RBFOX1: variants seen among roughly 807,000 people sequenced by gnomAD.
RBFOX1 encodes the protein RNA binding protein fox-1 homolog 1.
Under a neutral mutation model 57.7 loss-of-function variants are expected in RBFOX1, and 8 were observed. That is an observed-to-expected ratio of 0.14 (90% CI 0.08 to 0.25). RBFOX1 has a LOEUF of 0.25. Ranked by LOEUF, RBFOX1 falls within the 10% of genes least tolerant of loss-of-function variation. The pLI, the probability that RBFOX1 is intolerant of heterozygous loss-of-function variation, is 1.00. For missense variants in RBFOX1, 611 were observed against 548.5 expected (o/e 1.11, Z -1.14); for synonymous variants, 326 against 222.4 (o/e 1.47, Z -4.15).
chr16:6,763,843 C>T (rs549580053), intron 3 of RBFOX1, among the ~76,000 whole-genome samples: 1 of 152,312 alleles, frequency 6.6e-6, no homozygotes, highest in Admixed American at 6.5e-5. Flanking sequence ...TTTTGAAGAT[C>T]TTCTGTAATT....
At chr16:7,182,996 G>C (rs186945436) in intron 4 of RBFOX1, among the ~76,000 whole-genome samples, 4 of 152,150 alleles carry the variant, frequency 2.6e-5, no homozygotes, top group African/African-American at 9.7e-5. Context: ...TGAGAGCTAA[G>C]CCTTATTTAG....
chr16:7,499,183 T>C (rs1567522665), intron 4 of RBFOX1, among the ~76,000 whole-genome samples: 1 of 152,162 alleles, frequency 6.6e-6, no homozygotes. Flanking sequence ...TCCTTCTGAG[T>C]GCTGGGAGGA....
chr16:5,895,516 C>T (rs562009582), intron 4 of RBFOX1, among the ~76,000 whole-genome samples: 18 of 152,304 alleles, frequency 1.2e-4, no homozygotes, highest in South Asian at 2.1e-4. Context: ...CGTTTTCATT[C>T]GGAAATGATA....
At chr16:7,030,180 T>A (rs943524486) in intron 3 of RBFOX1, among the ~76,000 whole-genome samples, 1 of 152,208 alleles carries the variant, frequency 6.6e-6, no homozygotes, top group Admixed American at 6.5e-5. Context: ...AGATATGTCC[T>A]GATGGCATTT....
At chr16:7,169,682 A>C (rs2080287942) in intron 4 of RBFOX1, among the ~76,000 whole-genome samples, 1 of 152,244 alleles carries the variant, frequency 6.6e-6, no homozygotes. Context: ...AGGGTTTACT[A>C]CTACACCAAT....
intron 3 of RBFOX1, among the ~76,000 whole-genome samples, chr16:5,839,836 A>T (rs1950057222): frequency 6.6e-6 from 1 of 152,162 alleles, no homozygotes; most frequent in Admixed American, 6.5e-5. Flanking sequence ...GCTTTCTGAG[A>T]AGATGCCCTC....
At chr16:6,436,600 C>T (rs984081121) in intron 2 of RBFOX1, among the ~76,000 whole-genome samples, 1 of 144,236 alleles carries the variant, frequency 6.9e-6, no homozygotes, top group Non-Finnish European at 1.5e-5. Flanking sequence ...GGAAAAATTA[C>T]CACCCCAAGC....
At chr16:6,707,667 T>G (rs901260153) in intron 3 of RBFOX1, among the ~76,000 whole-genome samples, 1 of 152,038 alleles carries the variant, frequency 6.6e-6, no homozygotes, top group Non-Finnish European at 1.5e-5. Flanking sequence ...GCATGTACAT[T>G]TACAAGCCCA....
Position 7,669,931 on chromosome 16 carries a change from T to C in RBFOX1, c.930+4963T>C, listed in dbSNP as rs149669180. ...AATCAGGCGAATGCTGTGTTTGCAA[T>C]GGGAGAGACAAGATGTTGAGTGTTT... On this transcript the variant is annotated intron_variant, in intron 13 of 15. Transcript: ENST00000550418. 4.9e-3 allele frequency among the ~76,000 whole-genome samples: 743 copies of C among 152,260 alleles called. 4 individuals carry two copies. Among genetic ancestry groups the C allele is most frequent in the African/African-American group, 0.017 (719 of 41,554 alleles).
chr16:7,557,638 A>G (rs938074381), intron 5 of RBFOX1, among the ~76,000 whole-genome samples: 6 of 100,642 alleles, frequency 6.0e-5, no homozygotes, highest in South Asian at 5.1e-4. Flanking sequence ...AAAAAAAAAA[A>G]AAAAGAAAAA....
At chr16:7,344,868 C>G (rs1477352378) in intron 4 of RBFOX1, among the ~76,000 whole-genome samples, 1 of 152,212 alleles carries the variant, frequency 6.6e-6, no homozygotes, top group Non-Finnish European at 1.5e-5. Context: ...GGCCATGTCT[C>G]TTGCCCGTAC....
intron 11 of RBFOX1, among the ~76,000 whole-genome samples, chr16:7,648,889 G>C (rs750195659): frequency 6.6e-6 from 1 of 152,172 alleles, no homozygotes; most frequent in Non-Finnish European, 1.5e-5. Context: ...CCCCTTGCTT[G>C]ATTGAAATCA....
chr16:7,470,466 T>A (rs115993971), intron 4 of RBFOX1, among the ~76,000 whole-genome samples: 229 of 151,848 alleles, frequency 1.5e-3, no homozygotes, highest in African/African-American at 5.3e-3. Context: ...GATGAGTGGA[T>A]GGATGGATGG....
At chr16:5,643,622 T>C (rs1394991921) in intron 3 of RBFOX1, among the ~76,000 whole-genome samples, 1 of 152,190 alleles carries the variant, frequency 6.6e-6, no homozygotes, top group Non-Finnish European at 1.5e-5. Context: ...AGGTACAGAG[T>C]CTTCCTGCAG....
intron 4 of RBFOX1, among the ~76,000 whole-genome samples, chr16:7,256,673 C>T (rs2094698329): frequency 6.6e-6 from 1 of 152,168 alleles, no homozygotes; most frequent in Non-Finnish European, 1.5e-5. Flanking sequence ...TCCATTTCCA[C>T]CCCTTTAGGG....
intron 3 of RBFOX1, among the ~76,000 whole-genome samples, chr16:6,854,333 A>T (rs2142101595): frequency 6.6e-6 from 1 of 152,218 alleles, no homozygotes; most frequent in East Asian, 1.9e-4. Flanking sequence ...TTGGGTACAA[A>T]TTATGGAACC....
chr16:7,118,823 C>A (rs60292746), intron 4 of RBFOX1, among the ~76,000 whole-genome samples: 1 of 152,096 alleles, frequency 6.6e-6, no homozygotes, highest in East Asian at 1.9e-4. Flanking sequence ...GAAGAATTAC[C>A]AGGGCACCGA....
At chr16:5,290,297 G>A (rs2063501878) in intron 1 of RBFOX1, among the ~76,000 whole-genome samples, 1 of 152,166 alleles carries the variant, frequency 6.6e-6, no homozygotes, top group Non-Finnish European at 1.5e-5. Context: ...GGGAGGCAGA[G>A]GTTGCAGTGA....
intron 4 of RBFOX1, among the ~76,000 whole-genome samples, chr16:7,352,047 T>G (rs985817068): frequency 2.6e-5 from 4 of 152,174 alleles, no homozygotes; most frequent in African/African-American, 7.2e-5. Context: ...GAGTTTCCCC[T>G]TAAATAATAT....
Sources: allele counts gnomAD v4.1 joint callset (sites outside exome capture counted in the v4.1 genomes callset), GRCh38; gene constraint gnomAD v4.1.1; transcripts MANE v1.5; gene names NCBI Gene and HGNC (gene_info 2026-07-23, HGNC 2026-07-21).